ATP2C1: variants seen among roughly 807,000 people sequenced by gnomAD.
ATP2C1 encodes ATPase secretory pathway Ca2+ transporting 1.
A neutral mutation model predicts 120.5 loss-of-function variants in ATP2C1; 31 were observed. The observed-to-expected ratio is 0.26, with a 90% CI of 0.19 to 0.35. The LOEUF is 0.35. ATP2C1 is among the 10% of genes least tolerant of loss of function. The pLI is 1.00. For missense variants in ATP2C1, 731 were observed against 1,107.5 expected (o/e 0.66, Z 4.83); for synonymous variants, 351 against 358.7 (o/e 0.98, Z 0.24).
intron 18 of ATP2C1, among the ~76,000 whole-genome samples, chr3:130,978,899 T>C (rs2061638374): frequency 1.3e-5 from 2 of 152,190 alleles, no homozygotes; most frequent in Admixed American, 1.3e-4. Flanking sequence ...AACAAACCCA[T>C]AGTTTCTCTA....
chr3:130,941,309 C>T (rs551804608), intron 7 of ATP2C1, among the ~76,000 whole-genome samples: 24 of 151,740 alleles, frequency 1.6e-4, no homozygotes, highest in Admixed American at 1.2e-3. Context: ...CGTGTCCATG[C>T]GCAAGTGTGT....
intron 2 of ATP2C1, among the ~76,000 whole-genome samples, chr3:130,923,282 A>G (rs1285344570): frequency 6.6e-6 from 1 of 150,980 alleles, no homozygotes; most frequent in Non-Finnish European, 1.5e-5. Flanking sequence ...GCTGGAGTGT[A>G]GTGGTGCGAC....
chr3:130,961,111 AT>A (rs2060799462), intron 12 of ATP2C1, among the ~76,000 whole-genome samples: 1 of 152,104 alleles, frequency 6.6e-6, no homozygotes, highest in Non-Finnish European at 1.5e-5. Flanking sequence ...TGAAAATGCA[AT>A]TTGAAACTCT....
At chr3:130,941,283 C>T (rs548248665) in intron 7 of ATP2C1, among the ~76,000 whole-genome samples, 8 of 146,602 alleles carry the variant, frequency 5.5e-5, no homozygotes, top group East Asian at 3.9e-4. Context: ...TGTGCGCGCA[C>T]GCGCGCATGC....
chr3:130,948,635 C>T lies in ATP2C1; in HGVS notation c.532-5186C>T, dbSNP rs149343513. 7.8e-4 allele frequency among the ~76,000 whole-genome samples: 118 copies of T among 152,092 alleles called. 1 individual carries two copies. The East Asian group carries it at 0.017, about 22-fold the overall frequency. On this transcript the variant is annotated intron_variant, in intron 8 of 27. Transcript: ENST00000510168. ...TATCTTCAGCTATTCTTTCTGTCGC[C>T]TTCTCTTTTTTCCTTCTGAGATTGT... is the stretch of plus-strand genomic sequence containing the variant.
At chr3:130,921,721 T>C (rs1162126248) in intron 2 of ATP2C1, among the ~76,000 whole-genome samples, 1 of 152,200 alleles carries the variant, frequency 6.6e-6, no homozygotes, top group African/African-American at 2.4e-5. Context: ...GATTTTTATC[T>C]TTGATTCTGT....
intron 1 of ATP2C1, among the ~76,000 whole-genome samples, chr3:130,864,718 G>T (rs559307197): frequency 3.3e-5 from 5 of 152,218 alleles, no homozygotes; most frequent in Non-Finnish European, 2.9e-5. Flanking sequence ...GTGGAAGCCC[G>T]AAGCCTTGGC....
At chr3:130,977,983 G>C (rs1001933007) in intron 18 of ATP2C1, among the ~76,000 whole-genome samples, 3 of 152,186 alleles carry the variant, frequency 2.0e-5, no homozygotes, top group Admixed American at 1.3e-4. Flanking sequence ...GACTCAGAGA[G>C]TAGCAGCAGA....
At chr3:130,996,135 C>T (rs1222634696) in intron 23 of ATP2C1, 24 bp downstream of exon 23, 3 of 1,517,218 alleles carry the variant, frequency 2.0e-6, no homozygotes, top group Admixed American at 1.7e-5. Flanking sequence ...AAATTTGTCA[C>T]CATGGGTCTT....
chr3:130,953,988 T>A lies in ATP2C1; in HGVS notation c.687+12T>A. The A allele has an allele frequency of 1.2e-6, 2 of 1,613,874 alleles. No homozygotes were observed. The highest frequency in any genetic ancestry group is 1.7e-6 in the Non-Finnish European group (2 of 1,179,820). On this transcript the variant is annotated intron_variant, in intron 9 of 27. Coordinates refer to ENST00000510168, the MANE Select transcript of ATP2C1 (RefSeq NM_001378687.1). ...GTGGCAAAGCAAAGGTAAATTTTTT[T>A]CCTGATTTGAAAAAAGCAGTTCCTT...
At chr3:131,013,425 T>C (rs937635429) in intron 26 of ATP2C1, among the ~76,000 whole-genome samples, 1 of 152,248 alleles carries the variant, frequency 6.6e-6, no homozygotes, top group Non-Finnish European at 1.5e-5. Context: ...TATTGCTGCA[T>C]ATATCTCTTG....
chr3:130,939,572 C>A (rs1257283182), intron 6 of ATP2C1, among the ~76,000 whole-genome samples: 1 of 152,118 alleles, frequency 6.6e-6, no homozygotes, highest in Non-Finnish European at 1.5e-5. Flanking sequence ...GATTGGGCAG[C>A]ATCTATGTCA....
At chr3:130,923,013 T>C (rs949283306) in intron 2 of ATP2C1, among the ~76,000 whole-genome samples, 2 of 152,234 alleles carry the variant, frequency 1.3e-5, no homozygotes, top group African/African-American at 4.8e-5. Flanking sequence ...TGTTTCTTTC[T>C]TGACTTTCTG....
Position 130,949,795 on chromosome 3 carries a change from C to T in ATP2C1, c.532-4026C>T, listed in dbSNP as rs551933892. 1.1e-4 allele frequency among the ~76,000 whole-genome samples: 17 copies of T among 152,210 alleles called. No homozygotes were observed. The South Asian group carries it at 2.7e-3, about 24-fold the overall frequency. ...TTAAATACATGAAGATTTTAAATTA[C>T]ATTTTTCTTCATTTGCATAAACAGT... On this transcript the variant is annotated intron_variant, in intron 8 of 27. Transcript: ENST00000510168.
At chr3:130,931,920 G>C in intron 3 of ATP2C1, 102 bp from the exon 4 acceptor site, 2 of 780,134 alleles carry the variant, frequency 2.6e-6, no homozygotes, top group Admixed American at 4.0e-5. Context: ...TTTGACTGTT[G>C]TAGTTTCTGT....
chr3:130,918,507 G>A (rs763063932), intron 2 of ATP2C1: 23 of 766,222 alleles, frequency 3.0e-5, no homozygotes, highest in Non-Finnish European at 5.1e-5. Context: ...TTGTAGGCAT[G>A]TGAGGCTGAA....
chr3:130,920,175 A>C (rs2058887176), intron 2 of ATP2C1, among the ~76,000 whole-genome samples: 2 of 152,140 alleles, frequency 1.3e-5, no homozygotes, highest in African/African-American at 4.8e-5. Flanking sequence ...GCTGCGTAGA[A>C]GCTTTTTAGT....
At chr3:130,996,608 C>A in intron 23 of ATP2C1, 72 bp from the exon 24 acceptor site, 3 of 1,021,362 alleles carry the variant, frequency 2.9e-6, no homozygotes, top group Non-Finnish European at 4.7e-6. Context: ...TTTTTAAATG[C>A]TAAAAAAGTG....
chr3:130,939,618 T>C (rs576330798), intron 6 of ATP2C1, among the ~76,000 whole-genome samples: 3 of 152,368 alleles, frequency 2.0e-5, no homozygotes, highest in South Asian at 4.1e-4. Flanking sequence ...GGGTATTTTC[T>C]AGCATATTAC....
Sources: allele counts gnomAD v4.1 joint callset (sites outside exome capture counted in the v4.1 genomes callset), GRCh38; gene constraint gnomAD v4.1.1; transcripts MANE v1.5; gene names NCBI Gene and HGNC (gene_info 2026-07-23, HGNC 2026-07-21).